STK32B: variants seen among roughly 807,000 people sequenced by gnomAD.
STK32B encodes serine/threonine-protein kinase 32B.
STK32B carries 43 observed loss-of-function variants against 52.6 expected under a neutral mutation model. The ratio of observed to expected loss-of-function variants is 0.82; its 90% CI spans 0.64 to 1.05. The LOEUF is 1.05. Ranked by LOEUF, STK32B falls within the 50% of genes least tolerant of loss-of-function variation. STK32B has a pLI of 0.00. For synonymous variants in STK32B, 238 were observed against 204.3 expected, an observed-to-expected ratio of 1.17 and a Z score of -1.41; for missense variants, 621 against 534.6, an observed-to-expected ratio of 1.16 and a Z score of -1.59.
In STK32B at chr4:5,053,298, T is replaced by C. The variant is rs139115107; in HGVS notation, c.52+1383T>C. Among the ~76,000 whole-genome samples, 1,027 of 152,246 alleles carry C rather than the reference T, an allele frequency of 6.7e-3. 27 individuals carry two copies. The South Asian group carries it at 0.084, about 12-fold the overall frequency. ...AGAGAGGCCCCAGCTTTTCCTGATC[T>C]TTAGTCTGGAGCATGTGCAGGTGAG... On this transcript the variant is annotated intron_variant, in intron 1 of 11. Coordinates refer to ENST00000282908, the MANE Select transcript of STK32B (RefSeq NM_018401.3).
At chr4:5,026,580 T>C in the STK32B span, among the ~76,000 whole-genome samples, 153 of 152,338 alleles carry the variant, frequency 1.0e-3, 2 homozygotes, top group African/African-American at 3.6e-3. Flanking sequence ...TTATCTCCAC[T>C]TGTTCATGCT....
In STK32B at chr4:5,317,361, A is replaced by ACATATATAT. The variant is rs1269372562; in HGVS notation, c.261-13859_261-13858insCATATATAT. 2.4e-5 allele frequency among the ~76,000 whole-genome samples: 2 copies of ACATATATAT among 82,468 alleles called. 1 individual carries two copies. The highest frequency in any genetic ancestry group is 1.6e-4 in the African/African-American group (2 of 12,870). The allele number at this position is 82,468 out of a possible 152,430, so 54.1% of individuals were successfully genotyped here. ...ATAATACATATATATAATATATATA[A>ACATATATAT]TGTATATGTATTATATATATTACAT... is the stretch of plus-strand genomic sequence containing the variant. On this transcript the variant is annotated intron_variant, in intron 3 of 11. Coordinates refer to ENST00000282908, the MANE Select transcript of STK32B (RefSeq NM_018401.3).
chr4:5,174,320 ATG>A (rs1377821613), intron 3 of STK32B, among the ~76,000 whole-genome samples: 1 of 152,076 alleles, frequency 6.6e-6, no homozygotes, highest in African/African-American at 2.4e-5. Context: ...TAATATTGTT[ATG>A]TGTGAATTTG....
intron 3 of STK32B, among the ~76,000 whole-genome samples, chr4:5,190,443 G>A (rs148025837): frequency 1.8e-4 from 28 of 152,224 alleles, no homozygotes; most frequent in Non-Finnish European, 3.4e-4. Context: ...AGTGGGCCAC[G>A]TGCTTGACTA....
chr4:5,379,597 G>T (rs982768), intron 4 of STK32B, among the ~76,000 whole-genome samples: 7,705 of 152,198 alleles, frequency 0.051, 466 homozygotes, highest in Admixed American at 0.18. Flanking sequence ...CTTTACAGAG[G>T]TTATTAAGTT....
intron 1 of STK32B, among the ~76,000 whole-genome samples, chr4:5,109,805 T>G (rs1045055839): frequency 5.9e-5 from 9 of 152,050 alleles, no homozygotes; most frequent in Non-Finnish European, 1.3e-4. Context: ...GTATCCAAAT[T>G]GGAAAAGATG....
intron 2 of STK32B, among the ~76,000 whole-genome samples, chr4:5,145,212 TC>T (rs1716817053): frequency 6.6e-6 from 1 of 152,220 alleles, no homozygotes; most frequent in Non-Finnish European, 1.5e-5. Context: ...CAATTAACAT[TC>T]TACCAAACTT....
intron 4 of STK32B, among the ~76,000 whole-genome samples, chr4:5,372,504 A>G (rs1172416159): frequency 1.3e-5 from 2 of 152,136 alleles, no homozygotes; most frequent in Admixed American, 1.3e-4. Context: ...ATTACTATTC[A>G]ATATTACCAT....
At chr4:5,411,723 G>A (rs1292221998) in intron 5 of STK32B, among the ~76,000 whole-genome samples, 4 of 152,030 alleles carry the variant, frequency 2.6e-5, no homozygotes, top group African/African-American at 4.8e-5. Flanking sequence ...TATGAATTTT[G>A]ACAAATACAT....
the STK32B span, among the ~76,000 whole-genome samples, chr4:5,025,454 C>T: frequency 6.6e-6 from 1 of 152,280 alleles, no homozygotes; most frequent in Non-Finnish European, 1.5e-5. Context: ...GCTTAGACAC[C>T]TGCAGCTCAG....
rs150454787 is a variant in STK32B at position 5,453,224 on chromosome 4, G to GGGGA, written c.667-3582_667-3581insGGAG. On this transcript the variant is annotated intron_variant, in intron 7 of 11. Transcript: ENST00000282908. This position sits in a 1 kb window ranked among gnomAD's most constrained non-coding sequence, Gnocchi z 4.0. ...AAGGAGAGAGAATTACAGAGATTAG[G>GGGGA]GAGAGAGAGAGAGAGAGAGAGTAGC... 6.6e-6 allele frequency among the ~76,000 whole-genome samples: 1 copy of GGGGA among 150,520 alleles called. No homozygotes were observed. The highest frequency in any genetic ancestry group is 2.4e-5 in the African/African-American group (1 of 40,894).
At chr4:5,493,519 C>G (rs1560461178) in intron 11 of STK32B, among the ~76,000 whole-genome samples, 1 of 152,092 alleles carries the variant, frequency 6.6e-6, no homozygotes, top group East Asian at 1.9e-4. Context: ...TTGATCCTTT[C>G]AAAAAACCAG....
intron 1 of STK32B, among the ~76,000 whole-genome samples, chr4:5,107,950 T>C (rs1714196223): frequency 6.6e-6 from 1 of 152,204 alleles, no homozygotes; most frequent in African/African-American, 2.4e-5. Context: ...GATCTACAGC[T>C]TGAGGTAGTC....
chr4:5,133,459 A>G (rs1053804658), intron 1 of STK32B, among the ~76,000 whole-genome samples: 21 of 151,952 alleles, frequency 1.4e-4, no homozygotes, highest in African/African-American at 4.6e-4. Flanking sequence ...CCACTACTCA[A>G]TGTAGGTCAT....
At chr4:5,238,893 T>G (rs945373084) in intron 3 of STK32B, among the ~76,000 whole-genome samples, 23 of 152,208 alleles carry the variant, frequency 1.5e-4, no homozygotes, top group African/African-American at 4.8e-4. Flanking sequence ...GAAAACAATT[T>G]AAAAGTAATA....
chr4:5,068,384 C>T (rs932556014), intron 1 of STK32B, among the ~76,000 whole-genome samples: 3 of 152,104 alleles, frequency 2.0e-5, no homozygotes, highest in Non-Finnish European at 2.9e-5. Flanking sequence ...TTTGGTTTTC[C>T]ACTCTTGAGT....
At chr4:5,359,964 C>A (rs1207226355) in intron 4 of STK32B, among the ~76,000 whole-genome samples, 2 of 152,140 alleles carry the variant, frequency 1.3e-5, no homozygotes, top group African/African-American at 4.8e-5. Flanking sequence ...TCTATGCTTT[C>A]GATAGAGGAG....
chr4:5,187,876 T>C (rs1281121969), intron 3 of STK32B, among the ~76,000 whole-genome samples: 1 of 152,082 alleles, frequency 6.6e-6, no homozygotes, highest in African/African-American at 2.4e-5. Flanking sequence ...AATAACAAGA[T>C]GAGTAAGTGA....
chr4:5,212,720 G>A (rs1287021619), intron 3 of STK32B, among the ~76,000 whole-genome samples: 1 of 152,196 alleles, frequency 6.6e-6, no homozygotes, highest in Non-Finnish European at 1.5e-5. Context: ...GTGAGGGTAG[G>A]ATGACATTTT....
Sources: allele counts gnomAD v4.1 joint callset (sites outside exome capture counted in the v4.1 genomes callset), GRCh38; gene constraint gnomAD v4.1.1; non-coding constraint Gnocchi (gnomAD v3.1); transcripts MANE v1.5; gene names NCBI Gene and HGNC (gene_info 2026-07-23, HGNC 2026-07-21).